Variants in SCN9A observed in about 807,000 individuals in gnomAD.
SCN9A encodes the protein sodium voltage-gated channel alpha subunit 9.
A neutral mutation model predicts 187.0 loss-of-function variants in SCN9A; 131 were observed. The observed-to-expected ratio is 0.70, with a 90% confidence interval of 0.61 to 0.81. The LOEUF (loss-of-function observed/expected upper bound fraction) is 0.81, where lower values mean the gene tolerates loss of function less well. SCN9A is among the 30% of genes least tolerant of loss of function. SCN9A has a pLI of 0.00. For missense variants in SCN9A, 2,252 were observed against 2,396.6 expected (o/e 0.94, Z 1.26); for synonymous variants, 809 against 808.6 (o/e 1.00, Z -0.01).
chr2:166,218,995 G>A (rs1169507537), intron 24 of SCN9A, among the ~76,000 whole-genome samples: 1 of 152,144 alleles, frequency 6.6e-6, no homozygotes, highest in Non-Finnish European at 1.5e-5. Flanking sequence ...TTAGAGAAAT[G>A]CAAATCAAAA....
At chr2:166,299,485 A>G (rs1384827154) in intron 7 of SCN9A, among the ~76,000 whole-genome samples, 3 of 150,788 alleles carry the variant, frequency 2.0e-5, no homozygotes, top group Non-Finnish European at 4.4e-5. Flanking sequence ...TGTTTCTACA[A>G]TATGTTTTCT....
chr2:166,238,114 G>A lies in SCN9A; in HGVS notation c.3781C>T (p.Leu1261=), dbSNP rs1574780648. 1.9e-6 allele frequency: 3 copies of A among 1,610,918 alleles called. No individual in the cohort carries two copies. Among genetic ancestry groups the A allele is most frequent in the Non-Finnish European group, 2.5e-6 (3 of 1,178,316 alleles). The change falls in exon 20 of 27, where the codon CTG becomes TTG. Residue 1261 remains leucine (L), a synonymous_variant. Transcript: ENST00000642356. ...KTYFTNAWCW[L]DFLIVDVSLV... ...CCTACATCAACAATTAGGAAATCCA[G>A]CCAACACCAGGCATTGGTGAAATAT... is the stretch of plus-strand genomic sequence containing the variant.
In SCN9A at chr2:166,277,223, G is replaced by A. The variant is rs188678956; in HGVS notation, c.2634C>T (p.Phe878=). 1.5e-5 allele frequency: 25 copies of A among 1,614,088 alleles called. No homozygotes were observed. In the Admixed American group the frequency reaches 3.2e-4, roughly 20 times the overall value. Residue 878 remains phenylalanine (F), a synonymous_variant, in exon 16 of 27, where the codon TTC becomes TTT. Coordinates refer to ENST00000642356, the MANE Select transcript of SCN9A (RefSeq NM_001365536.1). ...NLTLVLAIIV[F]IFAVVGMQLF... ...GCTGCATGCCGACCACAGCAAAAAT[G>A]AAGACGATGATGGCCAACACTAAGG...
chr2:166,369,172 A>G (rs2105327520), intron 1 of SCN9A, among the ~76,000 whole-genome samples: 1 of 151,904 alleles, frequency 6.6e-6, no homozygotes, highest in African/African-American at 2.4e-5. Flanking sequence ...CTCTATATAT[A>G]ACATATAATA....
intron 1 of SCN9A, among the ~76,000 whole-genome samples, chr2:166,314,113 T>C (rs1314653538): frequency 6.6e-6 from 1 of 152,036 alleles, no homozygotes; most frequent in Non-Finnish European, 1.5e-5. Context: ...ACACATACAG[T>C]AATAATTAAA....
intron 2 of SCN9A, 132 bp downstream of exon 2, chr2:166,311,367 T>A (rs1466527259): frequency 8.5e-6 from 1 of 117,184 alleles, no homozygotes; most frequent in Non-Finnish European, 1.7e-5. Flanking sequence ...TATATATATA[T>A]ATATATATAT....
intron 1 of SCN9A, among the ~76,000 whole-genome samples, chr2:166,360,831 G>C (rs1035446584): frequency 1.6e-4 from 25 of 152,124 alleles, no homozygotes; most frequent in African/African-American, 5.8e-4. Flanking sequence ...TAAATAATAA[G>C]CCATGAGTTG....
At chr2:166,248,167 T>C (rs2106419639) in intron 18 of SCN9A, 1 of 152,256 alleles carries the variant, frequency 6.6e-6, no homozygotes, top group South Asian at 2.1e-4. Flanking sequence ...TTTTCATACT[T>C]CATTTAATTT....
intron 1 of SCN9A, among the ~76,000 whole-genome samples, chr2:166,340,412 T>C (rs1699735222): frequency 6.6e-6 from 1 of 152,134 alleles, no homozygotes; most frequent in South Asian, 2.1e-4. Flanking sequence ...TTTTGAATTT[T>C]TTAAAAATCA....
At chr2:166,224,718 A>G (rs1376982521) in intron 24 of SCN9A, among the ~76,000 whole-genome samples, 1 of 152,130 alleles carries the variant, frequency 6.6e-6, no homozygotes, top group African/African-American at 2.4e-5. Context: ...GTGGCAGGTC[A>G]AGCAGGGTCT....
intron 1 of SCN9A, among the ~76,000 whole-genome samples, chr2:166,328,391 T>G (rs954196625): frequency 2.3e-4 from 35 of 152,160 alleles, no homozygotes; most frequent in Non-Finnish European, 7.4e-5. Context: ...TTATTTTTCC[T>G]GATCTTCTGC....
At chr2:166,212,714 A>G (rs772144863) in intron 24 of SCN9A, among the ~76,000 whole-genome samples, 1 of 152,224 alleles carries the variant, frequency 6.6e-6, no homozygotes, top group Non-Finnish European at 1.5e-5. Context: ...GAATATTCTC[A>G]GGATAGATCA....
In SCN9A at chr2:166,284,521, C is replaced by T. The variant is rs1697641237; in HGVS notation, c.1906G>A (p.Ala636Thr). The T allele has an allele frequency of 1.2e-6, 2 of 1,614,114 alleles. No homozygotes were observed. Among genetic ancestry groups the T allele is most frequent in the Non-Finnish European group, 8.5e-7 (1 of 1,179,996 alleles). ...GVVSLVDGRS[A>T]LMLPNGQLLP... Reference sequence around the variant, plus strand: ...AGCTGTCCATTGGGGAGCATGAGGGCTGAGCGTCCATCAACCAGGGAGACC... The same window carrying T: ...AGCTGTCCATTGGGGAGCATGAGGGTTGAGCGTCCATCAACCAGGGAGACC... The change falls in exon 12 of 27, where the codon GCC (alanine) becomes ACC (threonine). Residue 636 changes from alanine to threonine, a missense_variant. Physicochemically the swap from Ala to Thr is moderately conservative, Grantham distance 58 (BLOSUM62 0). Around this residue, in one of 7 missense-constraint regions of SCN9A, gnomAD observed 1,013 missense variants for 997.4 expected, o/e 1.02. Coordinates refer to ENST00000642356, the MANE Select transcript of SCN9A (RefSeq NM_001365536.1).
Position 166,361,193 on chromosome 2 carries a change from A to T in SCN9A, c.-51+14504T>A, listed in dbSNP as rs1210506310. Among the ~76,000 whole-genome samples, 3 of 148,304 alleles carry T rather than the reference A, an allele frequency of 2.0e-5. No homozygotes were observed. In the East Asian group the frequency reaches 5.8e-4, roughly 29 times the overall value. On this transcript the variant is annotated intron_variant, in intron 1 of 26. Coordinates refer to ENST00000642356, the MANE Select transcript of SCN9A (RefSeq NM_001365536.1). Reference sequence around the variant, plus strand: ...TTAGCACATTTCCTGTTACACTTTCAGTGCACAATACATTGTAACTGTTAT... The same window carrying T: ...TTAGCACATTTCCTGTTACACTTTCTGTGCACAATACATTGTAACTGTTAT...
chr2:166,199,136 G>A lies in SCN9A; in HGVS notation c.5503C>T (p.Arg1835Trp), dbSNP rs200608140. Residue 1835 changes from arginine to tryptophan, a missense_variant, in exon 27 of 27, where the codon CGG becomes TGG. Arg to Trp is a moderately radical substitution (Grantham distance 101). Coordinates refer to ENST00000642356, the MANE Select transcript of SCN9A (RefSeq NM_001365536.1). ...AATAAGATGTCAAGACAATGGATCC[G>A]GTCACCACTAACCATGGGCAGATCC... is the stretch of plus-strand genomic sequence containing the variant. Reference protein sequence around the residue: ...AMDLPMVSGDRIHCLDILFAF... With the variant: ...AMDLPMVSGDWIHCLDILFAF... The A allele has an allele frequency of 4.3e-6, 7 of 1,614,096 alleles. No homozygotes were observed. Among genetic ancestry groups the A allele is most frequent in the South Asian group, 2.2e-5 (2 of 91,072 alleles).
At chr2:166,302,808 G>C (rs1173157583) in intron 7 of SCN9A, 1 of 176,482 alleles carries the variant, frequency 5.7e-6, no homozygotes, top group Non-Finnish European at 1.2e-5. Context: ...ATTAATTCAA[G>C]GCTACATTTA....
intron 25 of SCN9A, 63 bp downstream of exon 25, chr2:166,204,297 C>T: frequency 2.6e-6 from 4 of 1,553,424 alleles, no homozygotes; most frequent in Admixed American, 3.6e-5. Context: ...TAAAGATGTG[C>T]ATTAAAAATG....
Position 166,233,396 on chromosome 2 carries a change from G to T in SCN9A, c.3868C>A (p.Arg1290=). Residue 1290 remains arginine (R), a synonymous_variant, in exon 21 of 27, where the codon CGG becomes AGG. Transcript: ENST00000642356. The stretch of plus-strand genomic sequence containing the variant: ...AGAGGTCTTAAAGCTCTCAGTGTCC[G>T]AAGGGATTTAATGGGGCCAAGATCT... ...YSDLGPIKSL[R]TLRALRPLRA... is the part of the protein sequence containing the mutation. The T allele has an allele frequency of 1.9e-6, 3 of 1,581,488 alleles. No individual in the cohort carries two copies. Among genetic ancestry groups the T allele is most frequent in the Non-Finnish European group, 2.6e-6 (3 of 1,167,192 alleles).
chr2:166,231,253 C>T (rs991067558), intron 21 of SCN9A, among the ~76,000 whole-genome samples: 2 of 152,290 alleles, frequency 1.3e-5, no homozygotes, highest in African/African-American at 4.8e-5. Context: ...CTAATACCAC[C>T]TTTCTGCACA....
Sources: gnomAD v4.1 joint callset for allele counts (sites outside exome capture counted in the v4.1 genomes callset) on GRCh38, gnomAD v4.1.1 for gene constraint, gnomAD v4.1.1 regional missense constraint, MANE v1.5 for transcripts, NCBI Gene and HGNC (gene_info 2026-07-23, HGNC 2026-07-21) for gene names.